The following E2F3 variants were observed in gnomAD, a reference collection of about 807,000 sequenced individuals.
E2F3 encodes the protein E2F transcription factor 3, also known as transcription factor E2F3.
E2F3 carries 11 observed loss-of-function variants against 44.4 expected under a neutral mutation model. The ratio of observed to expected loss-of-function variants is 0.25; its 90% CI spans 0.16 to 0.41. The LOEUF is 0.41. E2F3 is among the 10% of genes least tolerant of loss of function. E2F3 has a pLI of 1.00. For synonymous variants in E2F3, 249 were observed against 253.0 expected, an observed-to-expected ratio of 0.98 and a Z score of 0.15; for missense variants, 487 against 583.6, an observed-to-expected ratio of 0.83 and a Z score of 1.70.
At position 20,476,052 on chromosome 6, in the gene E2F3, A is replaced by G. The variant is rs78353245; in HGVS notation, c.394-3794A>G. On this transcript the variant is annotated intron_variant, in intron 1 of 6. Coordinates refer to ENST00000346618, the MANE Select transcript of E2F3 (RefSeq NM_001949.5). Reference sequence around the variant, plus strand: ...AGTTCCATAAGCTGTCACTGGCAACAGCACAATTCTAGGTTCCCGACTCAA... The same window carrying G: ...AGTTCCATAAGCTGTCACTGGCAACGGCACAATTCTAGGTTCCCGACTCAA... Among the ~76,000 whole-genome samples, 113 of 152,228 alleles carry G rather than the reference A, an allele frequency of 7.4e-4. No homozygotes were observed. In the East Asian group the frequency reaches 0.021, roughly 28 times the overall value.
intron 1 of E2F3, among the ~76,000 whole-genome samples, chr6:20,428,537 TC>T (rs1471479502): frequency 6.6e-6 from 1 of 152,102 alleles, no homozygotes; most frequent in Non-Finnish European, 1.5e-5. Context: ...AGCTTCCTCA[TC>T]TAACATGGGA....
At chr6:20,476,879 G>A (rs1762062770) in intron 1 of E2F3, among the ~76,000 whole-genome samples, 1 of 152,194 alleles carries the variant, frequency 6.6e-6, no homozygotes, top group South Asian at 2.1e-4. Flanking sequence ...TGGCTGGGAG[G>A]GGAAGATGAA....
At chr6:20,427,136 T>G (rs796695731) in intron 1 of E2F3, among the ~76,000 whole-genome samples, 7 of 152,184 alleles carry the variant, frequency 4.6e-5, no homozygotes, top group African/African-American at 1.7e-4. Context: ...AAGACAAATG[T>G]TCACTACCAC....
chr6:20,471,172 C>T (rs946752033), intron 1 of E2F3, among the ~76,000 whole-genome samples: 2 of 152,166 alleles, frequency 1.3e-5, no homozygotes, highest in Non-Finnish European at 2.9e-5. Flanking sequence ...TTTTACTATT[C>T]ACACCTGCTT....
chr6:20,449,225 A>G (rs1378624937), intron 1 of E2F3, among the ~76,000 whole-genome samples: 5 of 152,224 alleles, frequency 3.3e-5, no homozygotes, highest in African/African-American at 1.2e-4. Flanking sequence ...CTTTTATAAG[A>G]AGATACAATT....
chr6:20,437,529 A>C (rs1760630545), intron 1 of E2F3, among the ~76,000 whole-genome samples: 1 of 152,134 alleles, frequency 6.6e-6, no homozygotes, highest in African/African-American at 2.4e-5. Context: ...TGTTATATTA[A>C]AATGTAGTGA....
chr6:20,406,695 T>C (rs983931533), intron 1 of E2F3, among the ~76,000 whole-genome samples: 4 of 152,208 alleles, frequency 2.6e-5, no homozygotes, highest in Admixed American at 2.6e-4. Flanking sequence ...TCATCCTCAC[T>C]TTTTTGCCTG....
At chr6:20,419,127 G>C (rs1324125352) in intron 1 of E2F3, among the ~76,000 whole-genome samples, 1 of 152,094 alleles carries the variant, frequency 6.6e-6, no homozygotes, top group Non-Finnish European at 1.5e-5. Context: ...TTCCCTATCT[G>C]TATATATTGT....
At chr6:20,416,377 A>C (rs956474143) in intron 1 of E2F3, among the ~76,000 whole-genome samples, 2 of 152,204 alleles carry the variant, frequency 1.3e-5, no homozygotes, top group Admixed American at 1.3e-4. Context: ...CCACCATTCT[A>C]GGTACCAGGA....
intron 1 of E2F3, among the ~76,000 whole-genome samples, chr6:20,450,292 T>G (rs895127226): frequency 1.3e-5 from 2 of 152,122 alleles, no homozygotes; most frequent in Non-Finnish European, 2.9e-5. Context: ...CTATTGTTTT[T>G]TGATTGTTTA....
intron 1 of E2F3, among the ~76,000 whole-genome samples, chr6:20,421,021 C>T (rs1284533744): frequency 6.6e-6 from 1 of 152,226 alleles, no homozygotes; most frequent in East Asian, 1.9e-4. Context: ...TCACAGTCAT[C>T]TTCCATCTCA....
At chr6:20,439,760 G>A (rs1168202268) in intron 1 of E2F3, among the ~76,000 whole-genome samples, 2 of 152,052 alleles carry the variant, frequency 1.3e-5, no homozygotes, top group Admixed American at 1.3e-4. Flanking sequence ...TCAAACTCCT[G>A]GGCTCAATCC....
At chr6:20,466,900 T>C (rs1396963777) in intron 1 of E2F3, among the ~76,000 whole-genome samples, 2 of 152,118 alleles carry the variant, frequency 1.3e-5, no homozygotes, top group African/African-American at 4.8e-5. Context: ...CAGGCTGGTC[T>C]TGAGCTCCTG....
At chr6:20,427,249 G>A (rs1011321340) in intron 1 of E2F3, among the ~76,000 whole-genome samples, 10 of 152,124 alleles carry the variant, frequency 6.6e-5, no homozygotes, top group African/African-American at 1.9e-4. Context: ...CTCCTACAGC[G>A]CCTTCTTACC....
intron 1 of E2F3, among the ~76,000 whole-genome samples, chr6:20,426,845 A>G (rs1253116343): frequency 6.6e-6 from 1 of 152,114 alleles, no homozygotes; most frequent in Non-Finnish European, 1.5e-5. Context: ...GGCTTTTTCC[A>G]TTCTTGACAA....
chr6:20,441,846 G>A (rs552036518), intron 1 of E2F3, among the ~76,000 whole-genome samples: 1 of 151,498 alleles, frequency 6.6e-6, no homozygotes, highest in East Asian at 1.9e-4. Flanking sequence ...GGGATTATAG[G>A]CATGAGCCAC....
rs75073134 is a variant in E2F3, at chr6:20,447,119, G to C, written c.394-32727G>C. Among the ~76,000 whole-genome samples, 1,331 of 152,202 alleles carry C rather than the reference G, an allele frequency of 8.7e-3. 31 individuals carry two copies. The highest frequency in any genetic ancestry group is 0.03 in the African/African-American group (1,235 of 41,518). ...AGCTTGCATCTTGTCAGGGAAAATA[G>C]GTAGATCCTCTGAACACAGAGGAAG... On this transcript the variant is annotated intron_variant, in intron 1 of 6. Transcript: ENST00000346618.
intron 1 of E2F3, among the ~76,000 whole-genome samples, chr6:20,444,111 C>T (rs981384695): frequency 1.3e-5 from 2 of 152,104 alleles, no homozygotes; most frequent in African/African-American, 4.8e-5. Flanking sequence ...GAAGGCTGAG[C>T]CCAGGAGGCA....
chr6:20,437,382 C>T (rs1053868908), intron 1 of E2F3, among the ~76,000 whole-genome samples: 1 of 151,944 alleles, frequency 6.6e-6, no homozygotes, highest in Admixed American at 6.6e-5. Context: ...TCAAAATTGG[C>T]GGGTGCCAAT....
Sources: allele counts gnomAD v4.1 joint callset (sites outside exome capture counted in the v4.1 genomes callset), GRCh38; gene constraint gnomAD v4.1.1; transcripts MANE v1.5; gene names NCBI Gene and HGNC (gene_info 2026-07-23, HGNC 2026-07-21).